GPR158: variants seen among roughly 807,000 people sequenced by gnomAD.
GPR158 encodes the protein metabotropic glycine receptor.
In GPR158, 30 loss-of-function variants were observed where a neutral mutation model predicts 78.2. The observed-to-expected ratio is 0.38, with a 90% CI of 0.29 to 0.52. The LOEUF is 0.52. Among genes scored for constraint, GPR158 ranks in the 20% least tolerant of loss-of-function variants. The pLI, the probability that GPR158 is intolerant of heterozygous loss-of-function variation, is 0.83. For missense variants in GPR158, 1,463 were observed against 1,523.5 expected (o/e 0.96, Z 0.66); for synonymous variants, 581 against 591.1 (o/e 0.98, Z 0.25).
chr10:25,176,526 G>T lies in GPR158; in HGVS notation c.902+204G>T, dbSNP rs573265345. On this transcript the variant is annotated intron_variant, in intron 1 of 10. Coordinates refer to ENST00000376351, the MANE Select transcript of GPR158 (RefSeq NM_020752.3). The surrounding 1 kb of genome is among the most constrained non-coding windows in gnomAD (Gnocchi z 6.3). ...CGCCCCACGCCCGTCAGCTTCCGGC[G>T]CTCGGCGAAAGCCATTCATTCTCTC... is the stretch of plus-strand genomic sequence containing the variant. 1.3e-5 allele frequency among the ~76,000 whole-genome samples: 2 copies of T among 152,332 alleles called. No individual in the cohort carries two copies. The highest frequency in any genetic ancestry group is 4.8e-5 in the African/African-American group (2 of 41,596).
intron 2 of GPR158, among the ~76,000 whole-genome samples, chr10:25,259,648 G>A (rs1306980157): frequency 2.6e-5 from 4 of 152,116 alleles, no homozygotes; most frequent in Middle Eastern, 3.4e-3. Flanking sequence ...ACTCCACTTC[G>A]AATTTGATTG....
intron 5 of GPR158, among the ~76,000 whole-genome samples, chr10:25,549,893 AC>A (rs1836707193): frequency 6.6e-6 from 1 of 152,016 alleles, no homozygotes; most frequent in Non-Finnish European, 1.5e-5. Flanking sequence ...ACAAAATCAT[AC>A]TCAGGGTTTT....
intron 4 of GPR158, among the ~76,000 whole-genome samples, chr10:25,427,948 A>G (rs542273813): frequency 6.6e-6 from 1 of 152,190 alleles, no homozygotes; most frequent in South Asian, 2.1e-4. Context: ...TGTCCGTACA[A>G]TAATTACTCA....
intron 6 of GPR158, among the ~76,000 whole-genome samples, chr10:25,562,024 A>ATTTTTTT (rs34320289): frequency 1.4e-5 from 2 of 140,802 alleles, no homozygotes; most frequent in African/African-American, 5.2e-5. Flanking sequence ...ATGCAGAAGA[A>ATTTTTTT]TTTTTTTTTT....
At chr10:25,472,404 C>A (rs1835520047) in intron 5 of GPR158, among the ~76,000 whole-genome samples, 1 of 152,156 alleles carries the variant, frequency 6.6e-6, no homozygotes, top group South Asian at 2.1e-4. Flanking sequence ...TGTGATGCCT[C>A]CAGCTTTGTT....
chr10:25,575,258 G>A (rs1375467121), intron 7 of GPR158, among the ~76,000 whole-genome samples: 1 of 152,116 alleles, frequency 6.6e-6, no homozygotes, highest in Admixed American at 6.5e-5. Flanking sequence ...AAGTCTTAGA[G>A]GAATTTAGAG....
chr10:25,370,094 T>A (rs1384744607), intron 2 of GPR158, among the ~76,000 whole-genome samples: 1 of 146,704 alleles, frequency 6.8e-6, no homozygotes, highest in African/African-American at 2.5e-5. Flanking sequence ...GTCTATCAAT[T>A]TTGTTGATCT....
At chr10:25,563,407 T>C (rs1836884278) in intron 6 of GPR158, among the ~76,000 whole-genome samples, 1 of 152,208 alleles carries the variant, frequency 6.6e-6, no homozygotes, top group South Asian at 2.1e-4. Context: ...TCTTCTACCA[T>C]TTCTACCTTT....
intron 2 of GPR158, among the ~76,000 whole-genome samples, chr10:25,320,469 C>T (rs1381754999): frequency 3.9e-5 from 6 of 152,122 alleles, no homozygotes; most frequent in African/African-American, 7.2e-5. Flanking sequence ...CTGGGCTGTT[C>T]GCTTGTTAAA....
intron 3 of GPR158, among the ~76,000 whole-genome samples, chr10:25,401,952 C>T (rs1212191212): frequency 1.3e-5 from 2 of 152,012 alleles, no homozygotes; most frequent in African/African-American, 4.8e-5. Flanking sequence ...AATTTAGAAA[C>T]TTTGATAAGA....
intron 1 of GPR158, among the ~76,000 whole-genome samples, chr10:25,185,104 C>T (rs1852663209): frequency 6.6e-6 from 1 of 152,190 alleles, no homozygotes; most frequent in African/African-American, 2.4e-5. Flanking sequence ...TGCCAAATAT[C>T]CCCTGTGGGG....
chr10:25,407,581 C>G (rs572676617), intron 3 of GPR158, among the ~76,000 whole-genome samples: 1 of 152,236 alleles, frequency 6.6e-6, no homozygotes, highest in Admixed American at 6.5e-5. Flanking sequence ...CTTCCAAAGC[C>G]TTCTCCACAT....
chr10:25,387,879 G>T (rs1316501747), intron 2 of GPR158, among the ~76,000 whole-genome samples: 1 of 152,116 alleles, frequency 6.6e-6, no homozygotes, highest in Non-Finnish European at 1.5e-5. Flanking sequence ...ATGTTTAGTA[G>T]AATTCTCCAT....
chr10:25,259,196 C>A (rs969176663), intron 2 of GPR158, among the ~76,000 whole-genome samples: 1 of 152,150 alleles, frequency 6.6e-6, no homozygotes, highest in Admixed American at 6.6e-5. Context: ...GTCAACTGTA[C>A]TTTACTCTGC....
intron 1 of GPR158, among the ~76,000 whole-genome samples, chr10:25,191,457 G>A (rs936973742): frequency 6.6e-6 from 1 of 152,212 alleles, no homozygotes; most frequent in East Asian, 1.9e-4. Context: ...TATGTTCCCA[G>A]GCCCTGCCTA....
intron 2 of GPR158, among the ~76,000 whole-genome samples, chr10:25,322,067 T>C (rs1854956850): frequency 1.3e-5 from 2 of 152,144 alleles, no homozygotes; most frequent in African/African-American, 4.8e-5. Context: ...TGTAGTTATA[T>C]ATTACTGGAG....
intron 2 of GPR158, among the ~76,000 whole-genome samples, chr10:25,222,252 C>T (rs1853308940): frequency 6.6e-6 from 1 of 152,048 alleles, no homozygotes; most frequent in African/African-American, 2.4e-5. Flanking sequence ...CTCACATCCG[C>T]CATACATTCC....
rs75404188 is a variant in GPR158 at position 25,532,546 on chromosome 10, T to A, written c.1405-18430T>A. On this transcript the variant is annotated intron_variant, in intron 5 of 10. Coordinates refer to ENST00000376351, the MANE Select transcript of GPR158 (RefSeq NM_020752.3). The stretch of plus-strand genomic sequence containing the variant: ...GCTTCTCCTTGGGTCGTTTTCTGTA[T>A]CTTTCCACCTCCACATAAAGTCACC... Among the ~76,000 whole-genome samples the A allele has an allele frequency of 4.7e-4, 71 of 152,254 alleles. 1 individual carries two copies. The East Asian group carries it at 0.014, about 29-fold the overall frequency.
chr10:25,479,227 A>G (rs1835630224), intron 5 of GPR158, among the ~76,000 whole-genome samples: 1 of 152,208 alleles, frequency 6.6e-6, no homozygotes, highest in Non-Finnish European at 1.5e-5. Flanking sequence ...ATTGTAATAC[A>G]TTTAAAAGAT....
Sources: gnomAD v4.1 joint callset for allele counts (sites outside exome capture counted in the v4.1 genomes callset) on GRCh38, gnomAD v4.1.1 for gene constraint, Gnocchi (gnomAD v3.1) non-coding constraint, MANE v1.5 for transcripts, NCBI Gene and HGNC (gene_info 2026-07-23, HGNC 2026-07-21) for gene names.